The following NEGR1 variants were observed in gnomAD, a reference collection of about 807,000 sequenced individuals.
The protein encoded by NEGR1 is IgLON family member 4.
In NEGR1, 10 loss-of-function variants were observed where a neutral mutation model predicts 40.9. That is an observed-to-expected ratio of 0.24 (90% CI 0.15 to 0.42). The LOEUF is 0.42. Ranked by LOEUF, NEGR1 falls within the 10% of genes least tolerant of loss-of-function variation. The pLI is 1.00. For synonymous variants in NEGR1, 185 were observed against 166.8 expected (o/e 1.11, Z -0.84); for missense variants, 352 against 438.9 (o/e 0.80, Z 1.77).
At chr1:71,553,631 A>T (rs1347956384) in intron 6 of NEGR1, among the ~76,000 whole-genome samples, 1 of 151,606 alleles carries the variant, frequency 6.6e-6, no homozygotes, top group African/African-American at 2.4e-5. Flanking sequence ...TCTGAAATAT[A>T]TTGCTATAAC....
intron 1 of NEGR1, among the ~76,000 whole-genome samples, chr1:72,249,215 A>C (rs1418153411): frequency 6.6e-6 from 1 of 152,226 alleles, no homozygotes; most frequent in Admixed American, 6.5e-5. Flanking sequence ...GAAGGTATCA[A>C]TTATGAATGA....
At chr1:72,141,744 A>G (rs890060025) in intron 1 of NEGR1, among the ~76,000 whole-genome samples, 5 of 152,048 alleles carry the variant, frequency 3.3e-5, no homozygotes, top group African/African-American at 7.2e-5. Flanking sequence ...GGTTCTTTAT[A>G]AAGCTGGAAA....
intron 6 of NEGR1, among the ~76,000 whole-genome samples, chr1:71,482,223 T>C (rs2101373320): frequency 6.6e-6 from 1 of 151,996 alleles, no homozygotes; most frequent in Admixed American, 6.6e-5. Flanking sequence ...TCTTTGTTGT[T>C]GCCAAAGCAG....
intron 6 of NEGR1, among the ~76,000 whole-genome samples, chr1:71,472,871 C>CGTAAATATA (rs1473763658): frequency 3.3e-5 from 5 of 151,450 alleles, no homozygotes; most frequent in Admixed American, 3.3e-4. Context: ...TTATATAAAA[C>CGTAAATATA]GTAAATATAC....
chr1:71,440,706 A>G (rs542550979), intron 6 of NEGR1, among the ~76,000 whole-genome samples: 17 of 152,290 alleles, frequency 1.1e-4, no homozygotes, highest in African/African-American at 4.1e-4. Context: ...CAAAATTTGC[A>G]TTTTACCAAG....
chr1:71,770,154 A>G (rs998970710), intron 3 of NEGR1, among the ~76,000 whole-genome samples: 1 of 152,220 alleles, frequency 6.6e-6, no homozygotes, highest in African/African-American at 2.4e-5. Context: ...CAGATAAAGA[A>G]CCAGTCATAG....
intron 1 of NEGR1, among the ~76,000 whole-genome samples, chr1:71,960,726 G>A (rs11808697): frequency 0.037 from 5,561 of 152,084 alleles, 336 homozygotes; most frequent in African/African-American, 0.13. Context: ...CATTTGTTCC[G>A]TCATTAAGGC....
At chr1:71,883,147 A>G (rs2101845130) in intron 2 of NEGR1, among the ~76,000 whole-genome samples, 1 of 152,284 alleles carries the variant, frequency 6.6e-6, no homozygotes, top group Non-Finnish European at 1.5e-5. Flanking sequence ...TGTAAATTAT[A>G]CACATTAGCT....
At chr1:71,720,913 G>A (rs1422893040) in intron 3 of NEGR1, among the ~76,000 whole-genome samples, 2 of 152,000 alleles carry the variant, frequency 1.3e-5, no homozygotes, top group African/African-American at 4.8e-5. Flanking sequence ...ACCTTTACTT[G>A]GAACAATGAG....
intron 1 of NEGR1, among the ~76,000 whole-genome samples, chr1:72,250,467 T>C (rs1346685919): frequency 1.3e-5 from 2 of 152,298 alleles, no homozygotes; most frequent in East Asian, 3.9e-4. Context: ...GCTGCTAATT[T>C]GTTTAACTAG....
At chr1:71,858,778 C>T (rs1166446691) in intron 2 of NEGR1, among the ~76,000 whole-genome samples, 1 of 152,038 alleles carries the variant, frequency 6.6e-6, no homozygotes, top group Non-Finnish European at 1.5e-5. Flanking sequence ...TATTTTACTG[C>T]ATTTCAAAAT....
At chr1:71,435,110 C>CAAAA (rs756919652) in intron 6 of NEGR1, among the ~76,000 whole-genome samples, 2 of 150,126 alleles carry the variant, frequency 1.3e-5, no homozygotes, top group African/African-American at 5.0e-5. Context: ...AACAAACAAA[C>CAAAA]AAAAAAAAAA....
chr1:72,010,380 G>T (rs1270565582), intron 1 of NEGR1, among the ~76,000 whole-genome samples: 1 of 151,954 alleles, frequency 6.6e-6, no homozygotes, highest in African/African-American at 2.4e-5. Flanking sequence ...AGAACAAATG[G>T]TGCCCATAAA....
At chr1:72,268,044 G>C (rs1318162521) in intron 1 of NEGR1, among the ~76,000 whole-genome samples, 3 of 151,308 alleles carry the variant, frequency 2.0e-5, no homozygotes, top group Non-Finnish European at 3.0e-5. Flanking sequence ...CATGTCTTCA[G>C]ACATACTCTA....
intron 2 of NEGR1, among the ~76,000 whole-genome samples, chr1:71,897,013 G>A (rs1278090735): frequency 6.6e-6 from 1 of 152,144 alleles, no homozygotes; most frequent in African/African-American, 2.4e-5. Context: ...GTATTCTTAA[G>A]CACTGTGCTC....
intron 6 of NEGR1, among the ~76,000 whole-genome samples, chr1:71,570,644 C>CTTATTATTATTATTATTATTA (rs150984543): frequency 4.1e-5 from 6 of 148,132 alleles, no homozygotes; most frequent in South Asian, 2.1e-4. Context: ...ATACTGGGTC[C>CTTATTATTATTATTATTATTA]TTATTATTAT....
chr1:71,478,531 G>A (rs1325209422), intron 6 of NEGR1, among the ~76,000 whole-genome samples: 2 of 151,942 alleles, frequency 1.3e-5, no homozygotes, highest in South Asian at 4.1e-4. Flanking sequence ...ACAACATCTT[G>A]ATATTTTTAT....
intron 1 of NEGR1, among the ~76,000 whole-genome samples, chr1:71,954,611 T>G (rs903466969): frequency 6.6e-6 from 1 of 151,980 alleles, no homozygotes; most frequent in Non-Finnish European, 1.5e-5. Flanking sequence ...TCAGGATAAT[T>G]CAAATATGTT....
chr1:71,985,436 G>A (rs531004157), intron 1 of NEGR1, among the ~76,000 whole-genome samples: 50 of 152,202 alleles, frequency 3.3e-4, no homozygotes, highest in Non-Finnish European at 4.0e-4. Flanking sequence ...TCATAGGGTT[G>A]TGATATGAGA....
Sources: allele counts gnomAD v4.1 joint callset (sites outside exome capture counted in the v4.1 genomes callset), GRCh38; gene constraint gnomAD v4.1.1; transcripts MANE v1.5; gene names NCBI Gene and HGNC (gene_info 2026-07-23, HGNC 2026-07-21).